The following RBFOX1 variants were observed in gnomAD, a reference collection of about 807,000 sequenced individuals.
RBFOX1 encodes the protein RNA binding fox-1 homolog 1, also known as RNA binding protein fox-1 homolog 1.
A neutral mutation model predicts 57.7 loss-of-function variants in RBFOX1; 8 were observed. The ratio of observed to expected loss-of-function variants is 0.14; its 90% CI spans 0.08 to 0.25. RBFOX1 has a LOEUF of 0.25. RBFOX1 is among the 10% of genes least tolerant of loss of function. The pLI, the probability that RBFOX1 is intolerant of heterozygous loss-of-function variation, is 1.00. For missense variants in RBFOX1, 611 were observed against 548.5 expected (o/e 1.11, Z -1.14); for synonymous variants, 326 against 222.4 (o/e 1.47, Z -4.15).
chr16:6,841,292 C>A (rs1269377701), intron 3 of RBFOX1, among the ~76,000 whole-genome samples: 1 of 152,100 alleles, frequency 6.6e-6, no homozygotes, highest in African/African-American at 2.4e-5. Context: ...TTGATAAGGA[C>A]ATTAGATTTT....
chr16:6,969,343 G>T (rs1031820361), intron 3 of RBFOX1, among the ~76,000 whole-genome samples: 1 of 152,150 alleles, frequency 6.6e-6, no homozygotes, highest in Non-Finnish European at 1.5e-5. Flanking sequence ...GAGGGAGGCA[G>T]TGTCATGCAG....
Position 6,028,233 on chromosome 16 carries a change from G to A in RBFOX1, c.-127+8241G>A, listed in dbSNP as rs533226182. ...AAAGCTGAGTCCAGTTCAGGTTGCT[G>A]TTGATTGCAAAGGCTGATAAGAGGA... On this transcript the variant is annotated intron_variant, in intron 1 of 15. Coordinates refer to ENST00000550418, the MANE Select transcript of RBFOX1 (RefSeq NM_018723.4). 2.0e-5 allele frequency among the ~76,000 whole-genome samples: 3 copies of A among 152,270 alleles called. No homozygotes were observed. The East Asian group carries it at 5.8e-4, about 29-fold the overall frequency.
Position 6,530,864 on chromosome 16 carries a change from A to C in RBFOX1, c.-63-123739A>C, listed in dbSNP as rs576904220. Reference sequence around the variant, plus strand: ...CGGATCCCTCCTACAACATGTGGGAATTGTAAGAGATATAATTCAAGATGA... The same window carrying C: ...CGGATCCCTCCTACAACATGTGGGACTTGTAAGAGATATAATTCAAGATGA... On this transcript the variant is annotated intron_variant, in intron 2 of 15. Transcript: ENST00000550418. 7.6e-4 allele frequency among the ~76,000 whole-genome samples: 116 copies of C among 152,178 alleles called. 3 individuals are homozygous for C. In the South Asian group the frequency reaches 0.024, roughly 31 times the overall value.
chr16:7,542,822 A>AAG (rs398119197), intron 5 of RBFOX1, among the ~76,000 whole-genome samples: 1 of 150,528 alleles, frequency 6.6e-6, no homozygotes, highest in Non-Finnish European at 1.5e-5. Flanking sequence ...GAAAAAAAAA[A>AAG]TAGAGGAACA....
intron 3 of RBFOX1, among the ~76,000 whole-genome samples, chr16:6,946,031 G>A (rs539286726): frequency 1.3e-5 from 2 of 152,344 alleles, no homozygotes; most frequent in African/African-American, 2.4e-5. Context: ...TGCCTACACA[G>A]ATGCTTCACT....
chr16:6,999,616 C>T (rs889989474), intron 3 of RBFOX1, among the ~76,000 whole-genome samples: 16 of 151,984 alleles, frequency 1.1e-4, no homozygotes, highest in African/African-American at 3.4e-4. Context: ...CAATATGTGG[C>T]CAAACTTGTT....
intron 1 of RBFOX1, among the ~76,000 whole-genome samples, chr16:5,430,604 C>T (rs558047034): frequency 1.3e-5 from 2 of 152,264 alleles, no homozygotes; most frequent in South Asian, 4.1e-4. Context: ...GTGTGAAGTG[C>T]AGAGTATCAG....
chr16:6,811,883 C>G (rs55668545), intron 3 of RBFOX1, among the ~76,000 whole-genome samples: 1 of 152,050 alleles, frequency 6.6e-6, no homozygotes, highest in Non-Finnish European at 1.5e-5. Flanking sequence ...GAGTGAAACT[C>G]CATCTCAAAA....
At chr16:6,729,656 A>C (rs1431353488) in intron 3 of RBFOX1, among the ~76,000 whole-genome samples, 2 of 152,190 alleles carry the variant, frequency 1.3e-5, no homozygotes, top group Admixed American at 6.5e-5. Flanking sequence ...TTCTAACTTT[A>C]GACTTGCAAC....
intron 4 of RBFOX1, among the ~76,000 whole-genome samples, chr16:7,071,635 C>G (rs1210711659): frequency 1.3e-5 from 2 of 149,998 alleles, no homozygotes; most frequent in South Asian, 2.1e-4. Context: ...GTATACATAA[C>G]CTGGGTAATT....
At chr16:7,041,555 C>T (rs1022225654) in intron 3 of RBFOX1, among the ~76,000 whole-genome samples, 1 of 152,108 alleles carries the variant, frequency 6.6e-6, no homozygotes, top group African/African-American at 2.4e-5. Context: ...TCCTAGAATA[C>T]TAACCATTGA....
intron 1 of RBFOX1, among the ~76,000 whole-genome samples, chr16:6,149,784 A>G (rs983362113): frequency 6.6e-6 from 1 of 152,208 alleles, no homozygotes; most frequent in Non-Finnish European, 1.5e-5. Flanking sequence ...CACTTTAGCA[A>G]TGTTGGGAGG....
intron 1 of RBFOX1, among the ~76,000 whole-genome samples, chr16:6,304,300 G>T (rs1599410096): frequency 6.6e-6 from 1 of 151,876 alleles, no homozygotes; most frequent in South Asian, 2.1e-4. Context: ...AAAAAAGAAA[G>T]ATAATTAATG....
rs1160788118 is a variant in RBFOX1, at chr16:5,501,318, C to CAAAAAAA, written c.258+34081_258+34087dup. ...GGATGACAAAACGAGACTCTGTCTA[C>CAAAAAAA]AAAAAAAAAAAAAAAAAAAAAAAGA... On this transcript the variant is annotated intron_variant, in intron 2 of 2. Coordinates refer to the RBFOX1 transcript ENST00000585867. Among the ~76,000 whole-genome samples the CAAAAAAA allele has an allele frequency of 6.8e-3, 440 of 64,764 alleles. 46 individuals carry two copies. Among genetic ancestry groups the CAAAAAAA allele is most frequent in the African/African-American group, 0.017 (362 of 21,148 alleles). 42.5% of individuals were successfully genotyped at this position (64,764 alleles called of 152,430 possible).
chr16:6,850,371 C>A (rs540668188), intron 3 of RBFOX1, among the ~76,000 whole-genome samples: 3 of 152,094 alleles, frequency 2.0e-5, no homozygotes, highest in South Asian at 2.1e-4. Context: ...TGGGAGAGAA[C>A]CCTACTTAGG....
chr16:5,656,793 C>A (rs935303230), intron 3 of RBFOX1, among the ~76,000 whole-genome samples: 2 of 152,112 alleles, frequency 1.3e-5, no homozygotes, highest in African/African-American at 4.8e-5. Flanking sequence ...TTTATCCAGT[C>A]TATCATTGAT....
intron 4 of RBFOX1, among the ~76,000 whole-genome samples, chr16:7,214,556 G>C (rs750986418): frequency 6.6e-6 from 1 of 151,856 alleles, no homozygotes; most frequent in African/African-American, 2.4e-5. Flanking sequence ...TTTCTGCTTG[G>C]TCACCCCACT....
rs139479085 is a variant in RBFOX1, at chr16:6,037,458, A to G, written c.-127+17466A>G. 1.6e-4 allele frequency: 25 copies of G among 151,694 alleles called. 1 individual carries two copies. The East Asian group carries it at 4.5e-3, about 27-fold the overall frequency. 9.4% of individuals were successfully genotyped at this position (151,694 alleles called of 1,614,324 possible). On this transcript the variant is annotated intron_variant, in intron 1 of 15. Transcript: ENST00000550418. ...TGTAATAATTTATGTTGATTTTTCA[A>G]TAATACTTTCAAGTTTTCAATTTTA...
At chr16:5,559,540 A>ATGG (rs2045812369) in intron 2 of RBFOX1, among the ~76,000 whole-genome samples, 2 of 152,172 alleles carry the variant, frequency 1.3e-5, no homozygotes, top group Admixed American at 1.3e-4. Context: ...CCTTGGCCAC[A>ATGG]TGGACCAGGG....
Sources: gnomAD v4.1 joint callset for allele counts (sites outside exome capture counted in the v4.1 genomes callset) on GRCh38, gnomAD v4.1.1 for gene constraint, MANE v1.5 for transcripts, NCBI Gene and HGNC (gene_info 2026-07-23, HGNC 2026-07-21) for gene names.